The following MTCL1 variants were observed in gnomAD, a reference collection of about 807,000 sequenced individuals.
MTCL1 encodes the protein microtubule crosslinking factor 1.
A neutral mutation model predicts 141.4 loss-of-function variants in MTCL1; 79 were observed. That is an observed-to-expected ratio of 0.56 (90% CI 0.47 to 0.67). The LOEUF (loss-of-function observed/expected upper bound fraction) is 0.67, where lower values mean the gene tolerates loss of function less well. Among genes scored for constraint, MTCL1 ranks in the 30% least tolerant of loss-of-function variants. The pLI is 0.00. For synonymous variants in MTCL1, 914 were observed against 875.8 expected (o/e 1.04, Z -0.77); for missense variants, 2,177 against 2,113.9 (o/e 1.03, Z -0.59).
chr18:8,714,602 C>T (rs757148233), upstream of MTCL1, among the ~76,000 whole-genome samples: 21 of 152,080 alleles, frequency 1.4e-4, no homozygotes, highest in Admixed American at 5.2e-4. Flanking sequence ...GGGAAACTGC[C>T]GTTTATAAAA....
At chr18:8,808,661 C>T (rs1160802687) in intron 11 of MTCL1, among the ~76,000 whole-genome samples, 1 of 152,214 alleles carries the variant, frequency 6.6e-6, no homozygotes, top group African/African-American at 2.4e-5. Context: ...AAATGCAAAA[C>T]AGTTTAATTC....
intron 1 of MTCL1, among the ~76,000 whole-genome samples, chr18:8,708,334 C>A (rs530937702): frequency 6.6e-6 from 1 of 152,292 alleles, no homozygotes; most frequent in African/African-American, 2.4e-5. Flanking sequence ...GAAGTTCATT[C>A]TTGGTGCAAC....
At position 8,814,720 on chromosome 18, in the gene MTCL1, T is replaced by C. The variant is rs182102964; in HGVS notation, c.2859+1487T>C. Among the ~76,000 whole-genome samples, 621 of 152,278 alleles carry C rather than the reference T, an allele frequency of 4.1e-3. 13 individuals are homozygous for C. The highest frequency in any genetic ancestry group is 0.036 in the Admixed American group (550 of 15,290). ...TAGGGCCACTCACTTTTTACATCCC[T>C]CCTGTACCCCAGTGAGGCCATCATG... is the stretch of plus-strand genomic sequence containing the variant. On this transcript the variant is annotated intron_variant, in intron 12 of 16. Transcript: ENST00000359865.
intron 4 of MTCL1, among the ~76,000 whole-genome samples, chr18:8,749,397 A>T (rs2096358654): frequency 6.6e-6 from 1 of 152,214 alleles, no homozygotes; most frequent in Non-Finnish European, 1.5e-5. Flanking sequence ...CTGGCTGCGG[A>T]CGGACCACAT....
intron 11 of MTCL1, among the ~76,000 whole-genome samples, chr18:8,811,973 G>A (rs4797333): frequency 0.37 from 55,914 of 152,018 alleles, 10,686 homozygotes; most frequent in East Asian, 0.58. Flanking sequence ...CTACCTTGAA[G>A]TCCTATTAGG....
chr18:8,718,516 A>G, exon 3 of MTCL1: 2 of 1,614,166 alleles, frequency 1.2e-6, no homozygotes, highest in Non-Finnish European at 1.7e-6. Context: ...TTCGGCGAGA[A>G]CTGGACCGCG....
At chr18:8,708,651 G>T (rs1045561013) in intron 1 of MTCL1, among the ~76,000 whole-genome samples, 3 of 152,230 alleles carry the variant, frequency 2.0e-5, no homozygotes, top group African/African-American at 4.8e-5. Flanking sequence ...CTTCTGAGTT[G>T]TTTTCGTAGC....
At chr18:8,807,293 T>A (rs1357277189) in intron 11 of MTCL1, among the ~76,000 whole-genome samples, 1 of 152,158 alleles carries the variant, frequency 6.6e-6, no homozygotes, top group Non-Finnish European at 1.5e-5. Flanking sequence ...CAGAGCAGCA[T>A]GTATTCTCCC....
Position 8,786,213 on chromosome 18 carries a change from T to G in MTCL1, c.1887+122T>G. The G allele has an allele frequency of 3.6e-6, 4 of 1,123,500 alleles. No homozygotes were observed. In the South Asian group the frequency reaches 4.0e-5, roughly 11 times the overall value. The allele number at this position is 1,123,500 out of a possible 1,614,324, so 69.6% of individuals were successfully genotyped here. ...GGAACATGGCAGGAGGAGGTGGAAC[T>G]AGGTGGAACTCACTTGACAGCAAAC... On this transcript the variant is annotated intron_variant, in intron 7 of 16. Coordinates refer to ENST00000359865, the Ensembl canonical transcript of MTCL1.
chr18:8,828,814 G>A lies in MTCL1; in HGVS notation c.4723-94G>A, dbSNP rs2077105113. 1 of 1,590,648 alleles carries A rather than the reference G, an allele frequency of 6.3e-7. No individual in the cohort carries two copies. The highest frequency in any genetic ancestry group is 1.3e-5 in the African/African-American group (1 of 74,776). On this transcript the variant is annotated intron_variant, in intron 15 of 16. Coordinates refer to ENST00000359865, the Ensembl canonical transcript of MTCL1. The surrounding 1 kb of genome is among the most constrained non-coding windows in gnomAD (Gnocchi z 5.2). The stretch of plus-strand genomic sequence containing the variant: ...CGAGAGGGATGGTCCTCTACCTCCG[G>A]GCTTGCTGACTTTAAACCTTTATTG...
chr18:8,746,481 G>A (rs886151812), intron 4 of MTCL1, among the ~76,000 whole-genome samples: 5 of 152,230 alleles, frequency 3.3e-5, no homozygotes, highest in Admixed American at 6.5e-5. Flanking sequence ...ACTCTTATGA[G>A]CATTGTCATT....
At chr18:8,806,123 G>C (rs567863320) in intron 10 of MTCL1, among the ~76,000 whole-genome samples, 1 of 152,318 alleles carries the variant, frequency 6.6e-6, no homozygotes, top group Non-Finnish European at 1.5e-5. Context: ...GGTGGGTCTG[G>C]CTTGTCCTTT....
chr18:8,776,677 C>T (rs1385249609), intron 4 of MTCL1, among the ~76,000 whole-genome samples: 1 of 152,108 alleles, frequency 6.6e-6, no homozygotes, highest in African/African-American at 2.4e-5. Context: ...GGCCGCCCTT[C>T]TCTTCCTTCA....
intron 5 of MTCL1, among the ~76,000 whole-genome samples, chr18:8,783,328 T>C (rs1465299448): frequency 6.6e-6 from 1 of 152,104 alleles, no homozygotes; most frequent in Non-Finnish European, 1.5e-5. Flanking sequence ...ACTGTAGGCC[T>C]TTCACAGGCC....
chr18:8,746,719 GA>G (rs1439728298), intron 4 of MTCL1, among the ~76,000 whole-genome samples: 1 of 152,220 alleles, frequency 6.6e-6, no homozygotes, highest in African/African-American at 2.4e-5. Flanking sequence ...GTGCAGGAGA[GA>G]GGGGGTCTCC....
chr18:8,730,516 A>G (rs2096244515), intron 4 of MTCL1, among the ~76,000 whole-genome samples: 1 of 152,228 alleles, frequency 6.6e-6, no homozygotes, highest in Non-Finnish European at 1.5e-5. Flanking sequence ...GTTTTTTGAC[A>G]ATGACTGTGA....
chr18:8,743,404 T>C (rs1396299905), intron 4 of MTCL1, among the ~76,000 whole-genome samples: 2 of 152,244 alleles, frequency 1.3e-5, no homozygotes, highest in Non-Finnish European at 2.9e-5. Flanking sequence ...GTACTACAGA[T>C]AAATATATTA....
At chr18:8,809,817 C>T (rs890010156) in intron 11 of MTCL1, 2 of 534,334 alleles carry the variant, frequency 3.7e-6, no homozygotes, top group Non-Finnish European at 6.6e-6. Context: ...AGGTGTGTGT[C>T]ATCACAGGCA....
chr18:8,786,203 G>GAGGTGGAACT (rs751561680), intron 7 of MTCL1, 112 bp downstream of exon 6: 5 of 1,256,212 alleles, frequency 4.0e-6, no homozygotes, highest in Middle Eastern at 1.8e-4. Flanking sequence ...ATGGCAGGAG[G>GAGGTGGAACT]AGGTGGAACT....
Sources: gnomAD v4.1 joint callset for allele counts (sites outside exome capture counted in the v4.1 genomes callset) on GRCh38, gnomAD v4.1.1 for gene constraint, Gnocchi (gnomAD v3.1) non-coding constraint, MANE v1.5 for transcripts, NCBI Gene and HGNC (gene_info 2026-07-23, HGNC 2026-07-21) for gene names.